The following GHITM variants were observed in gnomAD, a reference collection of about 807,000 sequenced individuals.
GHITM encodes the protein growth hormone inducible transmembrane protein, also known as growth hormone-inducible transmembrane protein.
In GHITM, 24 loss-of-function variants were observed where a neutral mutation model predicts 38.7. The observed-to-expected ratio is 0.62, with a 90% CI of 0.45 to 0.87. The LOEUF (loss-of-function observed/expected upper bound fraction) is 0.87, where lower values mean the gene tolerates loss of function less well. Among genes scored for constraint, GHITM ranks in the 40% least tolerant of loss-of-function variants. The pLI, the probability that GHITM is intolerant of heterozygous loss-of-function variation, is 0.00. For synonymous variants in GHITM, 154 were observed against 147.8 expected, an observed-to-expected ratio of 1.04 and a Z score of -0.30; for missense variants, 420 against 429.8, an observed-to-expected ratio of 0.98 and a Z score of 0.20.
rs763777142 is a variant in GHITM at position 84,152,288 on chromosome 10, A to G, written c.978A>G (p.Thr326=). The change falls in exon 9 of 9, where the codon ACA becomes ACG. Residue 326 remains threonine (T), a synonymous_variant. Transcript: ENST00000372134. The part of the protein sequence containing the change: ...INSMLSIYMD[T]LNIFMRVATM... ...GGATGCTGAGTATCTACATGGATAC[A>G]TTAAATATATTTATGCGAGTTGCAA... The G allele has an allele frequency of 1.3e-6, 2 of 1,598,830 alleles. No individual in the cohort carries two copies. Among genetic ancestry groups the G allele is most frequent in the East Asian group, 2.2e-5 (1 of 44,728 alleles).
intron 8 of GHITM, among the ~76,000 whole-genome samples, chr10:84,151,215 C>G (rs1841608993): frequency 6.6e-6 from 1 of 152,162 alleles, no homozygotes; most frequent in African/African-American, 2.4e-5. Flanking sequence ...TGGTGCTCTT[C>G]CTGTGTACCA....
At position 84,143,906 on chromosome 10, in the gene GHITM, G is replaced by A. The variant is rs1589274960; in HGVS notation, c.230-89G>A. 11 of 912,666 alleles carry A rather than the reference G, an allele frequency of 1.2e-5. No homozygotes were observed. In the East Asian group the frequency reaches 2.4e-4, roughly 20 times the overall value. 56.5% of individuals were successfully genotyped at this position (912,666 alleles called of 1,614,324 possible). The stretch of plus-strand genomic sequence containing the variant: ...ACTGATTATGGCTTCTATTAAATAT[G>A]GTACATGATTTGATTCCCTTGATAA... On this transcript the variant is annotated intron_variant, in intron 3 of 8. Coordinates refer to ENST00000372134, the MANE Select transcript of GHITM (RefSeq NM_014394.3).
rs1198045901 is a variant in GHITM, at chr10:84,144,160, A to G, written c.341+54A>G. 5 of 1,165,894 alleles carry G rather than the reference A, an allele frequency of 4.3e-6. No homozygotes were observed. In the East Asian group the frequency reaches 1.2e-4, roughly 27 times the overall value. 72.2% of individuals were successfully genotyped at this position (1,165,894 alleles called of 1,614,324 possible). A position where few individuals can be genotyped will look rare whatever the true frequency, so the allele number is the denominator to read the frequency against. On this transcript the variant is annotated intron_variant, in intron 4 of 8. Coordinates refer to ENST00000372134, the MANE Select transcript of GHITM (RefSeq NM_014394.3). ...CCTAAACAACTCCAGCCTTAAAACA[A>G]AAATTCAAATTTTCTTCTCATTCCT...
At chr10:84,144,804 C>T in intron 4 of GHITM, 71 bp from the exon 5 acceptor site, 2 of 1,022,544 alleles carry the variant, frequency 2.0e-6, no homozygotes, top group Non-Finnish European at 2.9e-6. Flanking sequence ...CGAGGTCGCC[C>T]AGCTAGTGTG....
intron 5 of GHITM, among the ~76,000 whole-genome samples, chr10:84,146,367 A>G (rs949414158): frequency 1.3e-5 from 2 of 152,150 alleles, no homozygotes; most frequent in African/African-American, 4.8e-5. Flanking sequence ...TGCCTTTGTA[A>G]GATCTGAAAT....
chr10:84,146,627 G>A (rs1384816019), intron 5 of GHITM, among the ~76,000 whole-genome samples: 1 of 152,186 alleles, frequency 6.6e-6, no homozygotes, highest in Non-Finnish European at 1.5e-5. Context: ...TTTCACTGGG[G>A]ATGTCAGTTT....
chr10:84,144,104 T>G lies in GHITM; in HGVS notation c.339T>G (p.Ala113=). 1 of 1,596,354 alleles carries G rather than the reference T, an allele frequency of 6.3e-7. No individual in the cohort carries two copies. The highest frequency in any genetic ancestry group is 8.6e-7 in the Non-Finnish European group (1 of 1,163,762). Residue 113 remains alanine, a splice_region_variant and synonymous_variant, in exon 4 of 9, where the codon GCT becomes GCG. Transcript: ENST00000372134. ...LSNEIGAIEK[A]VIWPQYVKDR... ...ATGAGATTGGAGCTATTGAAAAGGC[T>G]GTGTAAGTAAATTGTTTTAAGTAAA...
intron 8 of GHITM, among the ~76,000 whole-genome samples, chr10:84,151,944 A>G (rs968013925): frequency 6.6e-6 from 1 of 152,134 alleles, no homozygotes; most frequent in Non-Finnish European, 1.5e-5. Context: ...GTTTTTATAA[A>G]GGTGTTTCTT....
At chr10:84,148,902 A>G in intron 6 of GHITM, 64 bp downstream of exon 6, 1 of 904,762 alleles carries the variant, frequency 1.1e-6, no homozygotes, top group Non-Finnish European at 1.8e-6. Context: ...GTGGCTCTTC[A>G]CAGTTGTAAA....
chr10:84,141,734 G>A, intron 2 of GHITM, 105 bp downstream of exon 2: 1 of 1,032,326 alleles, frequency 9.7e-7, no homozygotes, highest in Non-Finnish European at 1.5e-6. Flanking sequence ...ACGTCAGTTA[G>A]CCCTGATAAT....
chr10:84,142,841 T>A (rs1423796044), intron 3 of GHITM, 87 bp downstream of exon 3: 1 of 616,758 alleles, frequency 1.6e-6, no homozygotes, highest in Non-Finnish European at 2.8e-6. Flanking sequence ...TATATGTGTA[T>A]TTGTGCATTT....
chr10:84,141,902 T>C (rs1589274290), intron 2 of GHITM, among the ~76,000 whole-genome samples: 1 of 151,500 alleles, frequency 6.6e-6, no homozygotes, highest in Non-Finnish European at 1.5e-5. Context: ...GGATTGAGAG[T>C]TACATAGTGT....
intron 4 of GHITM, among the ~76,000 whole-genome samples, chr10:84,144,514 C>T (rs368453990): frequency 2.0e-5 from 3 of 152,140 alleles, no homozygotes; most frequent in East Asian, 1.9e-4. Context: ...CCACCATGCC[C>T]GGCTATTTTT....
At position 84,141,402 on chromosome 10, in the gene GHITM, TG is replaced by T. The variant is rs1255778039; in HGVS notation, c.-39-58del. ...GACTCTCATATGTCCTTCTCTTAAT[TG>T]GTTAGTAGGTTGTTTTACTTATGTT... On this transcript the variant is annotated intron_variant, in intron 1 of 8. Transcript: ENST00000372134. 8 of 967,764 alleles carry T rather than the reference TG, an allele frequency of 8.3e-6. No homozygotes were observed. The Admixed American group carries it at 1.1e-4, about 13-fold the overall frequency. The allele number at this position is 967,764 out of a possible 1,614,324, so 59.9% of individuals were successfully genotyped here.
intron 5 of GHITM, among the ~76,000 whole-genome samples, chr10:84,147,350 G>A (rs970939548): frequency 1.3e-5 from 2 of 152,124 alleles, no homozygotes; most frequent in African/African-American, 4.8e-5. Context: ...TTTCACCTCA[G>A]CCACCCAAGT....
chr10:84,145,242 T>G (rs995124702), intron 5 of GHITM, among the ~76,000 whole-genome samples: 2 of 152,214 alleles, frequency 1.3e-5, no homozygotes, highest in African/African-American at 4.8e-5. Flanking sequence ...ATTGTAGCAT[T>G]TCACATGTTG....
At chr10:84,144,793 C>G (rs1360387266) in intron 4 of GHITM, 82 bp from the exon 5 acceptor site, 29 of 790,938 alleles carry the variant, frequency 3.7e-5, no homozygotes, top group Non-Finnish European at 5.8e-5. Flanking sequence ...ATGATTTATC[C>G]CGAGGTCGCC....
intron 6 of GHITM, 138 bp from the exon 7 acceptor site, chr10:84,149,917 A>T: frequency 1.8e-6 from 1 of 547,124 alleles, no homozygotes; most frequent in Non-Finnish European, 2.9e-6. Context: ...TGGTGGGGGT[A>T]GTATTATCTA....
At chr10:84,150,901 A>G in intron 8 of GHITM, 21 bp downstream of exon 8, 1 of 1,515,522 alleles carries the variant, frequency 6.6e-7, no homozygotes, top group Non-Finnish European at 9.2e-7. Context: ...CTTTTTATTT[A>G]ACACTGTTAC....
Sources: gnomAD v4.1 joint callset for allele counts (sites outside exome capture counted in the v4.1 genomes callset) on GRCh38, gnomAD v4.1.1 for gene constraint, MANE v1.5 for transcripts, NCBI Gene and HGNC (gene_info 2026-07-23, HGNC 2026-07-21) for gene names.